RXFP2: variants seen among roughly 807,000 people sequenced by gnomAD.
RXFP2 encodes the protein relaxin receptor 2.
RXFP2 carries 68 observed loss-of-function variants against 88.6 expected under a neutral mutation model. The observed-to-expected ratio is 0.77, with a 90% CI of 0.63 to 0.94. The LOEUF (loss-of-function observed/expected upper bound fraction) is 0.94, where lower values mean the gene tolerates loss of function less well. Ranked by LOEUF, RXFP2 falls within the 40% of genes least tolerant of loss-of-function variation. The pLI, the probability that RXFP2 is intolerant of heterozygous loss-of-function variation, is 0.00. For missense variants in RXFP2, 791 were observed against 893.9 expected (o/e 0.88, Z 1.47); for synonymous variants, 329 against 306.8 (o/e 1.07, Z -0.76).
At chr13:31,778,846 A>G (rs1873122567) in intron 9 of RXFP2, among the ~76,000 whole-genome samples, 1 of 152,168 alleles carries the variant, frequency 6.6e-6, no homozygotes, top group African/African-American at 2.4e-5. Flanking sequence ...GTATGCATGT[A>G]TCAAACTACT....
intron 5 of RXFP2, among the ~76,000 whole-genome samples, chr13:31,766,420 A>G (rs1281702202): frequency 6.6e-6 from 1 of 152,208 alleles, no homozygotes; most frequent in African/African-American, 2.4e-5. Flanking sequence ...ATGATAGGGT[A>G]CAGATATCCC....
At chr13:31,762,373 G>T (rs1420451479) in intron 3 of RXFP2, among the ~76,000 whole-genome samples, 3 of 152,214 alleles carry the variant, frequency 2.0e-5, no homozygotes, top group Non-Finnish European at 4.4e-5. Context: ...AGGATGAGCA[G>T]AGGAGCAAGA....
chr13:31,776,253 C>CT (rs149978498), intron 7 of RXFP2, among the ~76,000 whole-genome samples: 26,344 of 84,358 alleles, frequency 0.31, 5,909 homozygotes, highest in East Asian at 0.42. Context: ...CTCTTTCCTT[C>CT]TTTTTTTTTT....
intron 14 of RXFP2, among the ~76,000 whole-genome samples, chr13:31,790,428 C>G (rs1379630787): frequency 1.3e-5 from 2 of 152,128 alleles, no homozygotes; most frequent in Non-Finnish European, 2.9e-5. Context: ...AATTGGATGC[C>G]AGATATTAGG....
chr13:31,790,694 C>T (rs9603707), intron 14 of RXFP2, among the ~76,000 whole-genome samples: 48,663 of 152,040 alleles, frequency 0.32, 8,845 homozygotes, highest in Admixed American at 0.43. Context: ...ATAAGTGCTA[C>T]AAATTTAAAT....
chr13:31,752,010 C>T (rs1410545839), intron 1 of RXFP2, among the ~76,000 whole-genome samples: 4 of 152,188 alleles, frequency 2.6e-5, no homozygotes, highest in Admixed American at 2.6e-4. Flanking sequence ...GAGAAGTCTT[C>T]CTTCTTCCCT....
At chr13:31,762,058 G>T (rs1872326952) in intron 3 of RXFP2, among the ~76,000 whole-genome samples, 2 of 152,194 alleles carry the variant, frequency 1.3e-5, no homozygotes, top group Non-Finnish European at 2.9e-5. Flanking sequence ...GTGACAAATA[G>T]TAAAGTTCTT....
chr13:31,764,919 T>C, intron 3 of RXFP2, 118 bp from the exon 4 acceptor site: 1 of 675,350 alleles, frequency 1.5e-6, no homozygotes, highest in Non-Finnish European at 2.7e-6. Flanking sequence ...AATGAGTTCA[T>C]TTAACAGATG....
At chr13:31,752,351 C>G (rs544708600) in intron 1 of RXFP2, among the ~76,000 whole-genome samples, 68 of 152,152 alleles carry the variant, frequency 4.5e-4, no homozygotes, top group African/African-American at 1.4e-3. Context: ...TGCTTTGTCC[C>G]AGAAGAACAC....
At chr13:31,780,115 G>A (rs909890349) in intron 9 of RXFP2, among the ~76,000 whole-genome samples, 1 of 152,234 alleles carries the variant, frequency 6.6e-6, no homozygotes, top group Non-Finnish European at 1.5e-5. Context: ...TGAGGAACCA[G>A]CCTCAGAGCT....
intron 16 of RXFP2, 73 bp downstream of exon 16, chr13:31,793,161 A>T: frequency 3.7e-6 from 5 of 1,352,744 alleles, no homozygotes; most frequent in Non-Finnish European, 3.1e-6. Context: ...GCAAAGGTGG[A>T]TTTGTTTGTT....
Position 31,774,655 on chromosome 13 carries a change from G to A in RXFP2, c.533G>A (p.Arg178Lys), listed in dbSNP as rs369019151. ...LQHNCIRHIS[R>K]KAFFGLCNLQ... ...CATAATTGCATTAGACACATATCCA[G>A]GAAAGCATTTTTTGGATTATGTAAT... Residue 178 changes from arginine to lysine, a missense_variant, in exon 6 of 18, where the codon AGG (arginine) becomes AAG (lysine). Transcript: ENST00000298386. 1.3e-6 allele frequency: 2 copies of A among 1,563,480 alleles called. No individual in the cohort carries two copies. Among genetic ancestry groups the A allele is most frequent in the Non-Finnish European group, 1.8e-6 (2 of 1,134,264 alleles).
At chr13:31,777,749 A>G (rs575809747) in intron 8 of RXFP2, among the ~76,000 whole-genome samples, 7 of 152,266 alleles carry the variant, frequency 4.6e-5, no homozygotes, top group African/African-American at 1.7e-4. Context: ...GATAGTATTA[A>G]TTTTTATATC....
chr13:31,793,827 G>T (rs777958469), intron 16 of RXFP2, among the ~76,000 whole-genome samples: 2 of 151,990 alleles, frequency 1.3e-5, no homozygotes, highest in African/African-American at 2.4e-5. Context: ...AAGCTCTTCT[G>T]TCCTTTCTTT....
intron 7 of RXFP2, among the ~76,000 whole-genome samples, chr13:31,776,136 TTCTTTC>T (rs1425063736): frequency 5.9e-4 from 89 of 149,934 alleles, no homozygotes; most frequent in African/African-American, 2.1e-3. Context: ...CTTTCTTTCT[TTCTTTC>T]TCTTTCTCTC....
intron 16 of RXFP2, among the ~76,000 whole-genome samples, chr13:31,796,618 A>T (rs1874061570): frequency 6.6e-6 from 1 of 152,198 alleles, no homozygotes; most frequent in South Asian, 2.1e-4. Context: ...TTAGAAGTCT[A>T]TAATTCCTCA....
chr13:31,802,726 T>G lies in RXFP2; in HGVS notation c.*321T>G. Reference sequence around the variant, plus strand: ...CAAATGACCACAGGTTGGCACTGTGTGGTCTTTCACATCGGGTTGCACTGT... The same window carrying G: ...CAAATGACCACAGGTTGGCACTGTGGGGTCTTTCACATCGGGTTGCACTGT... On this transcript the variant is annotated 3_prime_UTR_variant, in exon 18 of 18. Transcript: ENST00000298386. 1 of 366,784 alleles carries G rather than the reference T, an allele frequency of 2.7e-6. No homozygotes were observed. The highest frequency in any genetic ancestry group is 5.2e-6 in the Non-Finnish European group (1 of 193,210). The allele number at this position is 366,784 out of a possible 1,614,324, so 22.7% of individuals were successfully genotyped here. A position where few individuals can be genotyped will look rare whatever the true frequency, so the allele number is the denominator to read the frequency against.
intron 1 of RXFP2, 133 bp downstream of exon 1, chr13:31,739,839 T>C: frequency 1.4e-6 from 1 of 694,784 alleles, no homozygotes; most frequent in Non-Finnish European, 2.6e-6. Flanking sequence ...GCCTGGTATT[T>C]GTCATTATCT....
intron 1 of RXFP2, among the ~76,000 whole-genome samples, chr13:31,750,787 C>A (rs7985751): frequency 0.038 from 5,721 of 152,188 alleles, 264 homozygotes; most frequent in African/African-American, 0.11. Context: ...GTCAGCGGAG[C>A]AGCAAGGTCA....
Sources: gnomAD v4.1 joint callset for allele counts (sites outside exome capture counted in the v4.1 genomes callset) on GRCh38, gnomAD v4.1.1 for gene constraint, MANE v1.5 for transcripts, NCBI Gene and HGNC (gene_info 2026-07-23, HGNC 2026-07-21) for gene names.